Variants in CSMD3 observed in about 807,000 individuals in gnomAD.
CSMD3 encodes the protein CUB and sushi domain-containing protein 3.
A neutral mutation model predicts 435.2 loss-of-function variants in CSMD3; 177 were observed. The observed-to-expected ratio is 0.41, with a 90% CI of 0.36 to 0.46. The LOEUF (loss-of-function observed/expected upper bound fraction) is 0.46. CSMD3 is among the 20% of genes least tolerant of loss of function. The pLI is 0.34. For synonymous variants in CSMD3, 1,656 were observed against 1,520.5 expected (o/e 1.09, Z -2.07); for missense variants, 4,265 against 4,504.6 (o/e 0.95, Z 1.52).
chr8:112,456,804 T>C (rs1172212422), intron 32 of CSMD3, among the ~76,000 whole-genome samples: 1 of 152,060 alleles, frequency 6.6e-6, no homozygotes, highest in Non-Finnish European at 1.5e-5. Context: ...TACTGCAGGG[T>C]ACATGTTTTA....
At chr8:112,936,163 CCTT>C (rs975454045) in intron 9 of CSMD3, among the ~76,000 whole-genome samples, 1 of 151,868 alleles carries the variant, frequency 6.6e-6, no homozygotes, top group African/African-American at 2.4e-5. Context: ...TTTATATTTC[CCTT>C]CTTTCTTCTA....
chr8:113,395,327 G>A (rs1383564288), intron 1 of CSMD3, among the ~76,000 whole-genome samples: 2 of 152,060 alleles, frequency 1.3e-5, no homozygotes, highest in South Asian at 2.1e-4. Context: ...GAAATCTAAG[G>A]CCGGACGCGG....
At chr8:112,365,369 A>C (rs1184305355) in intron 38 of CSMD3, among the ~76,000 whole-genome samples, 1 of 152,082 alleles carries the variant, frequency 6.6e-6, no homozygotes, top group African/African-American at 2.4e-5. Flanking sequence ...TTTAAGAAAA[A>C]ACAATTAGGG....
intron 64 of CSMD3, among the ~76,000 whole-genome samples, chr8:112,246,767 G>A (rs941651034): frequency 6.6e-6 from 1 of 152,082 alleles, no homozygotes; most frequent in African/African-American, 2.4e-5. Flanking sequence ...AAATTACCAG[G>A]TGGCAAAACT....
chr8:112,364,656 C>T (rs1827590289), intron 38 of CSMD3, among the ~76,000 whole-genome samples: 1 of 151,974 alleles, frequency 6.6e-6, no homozygotes, highest in Non-Finnish European at 1.5e-5. Flanking sequence ...AATGCTGAGG[C>T]TTCACTAAAA....
chr8:112,315,199 A>G (rs1328545889), intron 47 of CSMD3, among the ~76,000 whole-genome samples: 2 of 151,922 alleles, frequency 1.3e-5, no homozygotes, highest in African/African-American at 4.8e-5. Context: ...ATGTAGCCCA[A>G]AGCACAAACT....
chr8:113,191,296 C>A (rs1028270432), intron 3 of CSMD3, among the ~76,000 whole-genome samples: 1 of 151,672 alleles, frequency 6.6e-6, no homozygotes, highest in Admixed American at 6.6e-5. Context: ...GTTACACGGG[C>A]ATATTGTGTG....
chr8:112,865,258 C>T (rs2080944241), intron 10 of CSMD3, among the ~76,000 whole-genome samples: 1 of 152,118 alleles, frequency 6.6e-6, no homozygotes, highest in African/African-American at 2.4e-5. Context: ...ACAAGTAAGA[C>T]AGGCTGACAT....
At chr8:112,494,495 C>CTTTCTTTCTTTCTT (rs1821067169) in intron 30 of CSMD3, among the ~76,000 whole-genome samples, 2 of 33,118 alleles carry the variant, frequency 6.0e-5, no homozygotes, top group African/African-American at 1.7e-4. Context: ...TCTTTCTCTC[C>CTTTCTTTCTTTCTT]TTTCTTTCTT....
At chr8:112,439,470 G>A (rs899448984) in intron 32 of CSMD3, among the ~76,000 whole-genome samples, 1 of 151,804 alleles carries the variant, frequency 6.6e-6, no homozygotes, top group African/African-American at 2.4e-5. Context: ...TGGAGAACAG[G>A]AACTTAATAA....
intron 4 of CSMD3, among the ~76,000 whole-genome samples, chr8:113,137,119 A>G (rs2091436353): frequency 1.3e-5 from 2 of 151,720 alleles, no homozygotes; most frequent in African/African-American, 4.8e-5. Flanking sequence ...GTTGCCAAGA[A>G]TAATGAAGGT....
At chr8:113,380,084 TC>T (rs1459342573) in intron 1 of CSMD3, among the ~76,000 whole-genome samples, 2 of 152,198 alleles carry the variant, frequency 1.3e-5, no homozygotes, top group African/African-American at 4.8e-5. Flanking sequence ...ATATTCATGA[TC>T]CGTACTGTGT....
chr8:113,046,606 C>A (rs531155143), intron 5 of CSMD3, among the ~76,000 whole-genome samples: 1 of 152,326 alleles, frequency 6.6e-6, no homozygotes, highest in South Asian at 2.1e-4. Flanking sequence ...TCTCCACCAA[C>A]AACCTATATC....
At chr8:112,514,311 A>C (rs1270089414) in intron 28 of CSMD3, among the ~76,000 whole-genome samples, 1 of 152,192 alleles carries the variant, frequency 6.6e-6, no homozygotes, top group African/African-American at 2.4e-5. Flanking sequence ...TAGTGAGTAA[A>C]GAAAATTATC....
intron 31 of CSMD3, among the ~76,000 whole-genome samples, chr8:112,483,242 G>C (rs1263473679): frequency 1.3e-5 from 2 of 152,102 alleles, no homozygotes; most frequent in Non-Finnish European, 2.9e-5. Flanking sequence ...CATAATCCTA[G>C]AGCTCTGGGA....
intron 22 of CSMD3, among the ~76,000 whole-genome samples, chr8:112,636,292 A>G (rs1049534913): frequency 2.6e-5 from 4 of 152,100 alleles, no homozygotes; most frequent in Non-Finnish European, 4.4e-5. Flanking sequence ...TATTGAGCCA[A>G]TAAGTTCATT....
chr8:112,426,236 G>A (rs76760232), intron 32 of CSMD3, among the ~76,000 whole-genome samples: 6,257 of 152,242 alleles, frequency 0.041, 180 homozygotes, highest in Non-Finnish European at 0.061. Flanking sequence ...TTGAGTGTGT[G>A]TGCAGGGGGT....
intron 6 of CSMD3, among the ~76,000 whole-genome samples, chr8:113,016,740 C>A (rs992517344): frequency 1.3e-5 from 2 of 151,648 alleles, no homozygotes; most frequent in Admixed American, 1.3e-4. Context: ...ATGTAGACAC[C>A]ACTAAAATGA....
chr8:113,005,345 T>C (rs2086017041), intron 6 of CSMD3, among the ~76,000 whole-genome samples: 1 of 152,038 alleles, frequency 6.6e-6, no homozygotes, highest in Non-Finnish European at 1.5e-5. Context: ...AGAAATATTT[T>C]ACATGTTGAC....
Sources: allele counts gnomAD v4.1 joint callset (sites outside exome capture counted in the v4.1 genomes callset), GRCh38; gene constraint gnomAD v4.1.1; transcripts MANE v1.5; gene names NCBI Gene and HGNC (gene_info 2026-07-23, HGNC 2026-07-21).